Variants in EHBP1 observed in about 807,000 individuals in gnomAD.
The protein encoded by EHBP1 is EH domain-binding protein 1.
EHBP1 carries 55 observed loss-of-function variants against 144.0 expected under a neutral mutation model. The ratio of observed to expected loss-of-function variants is 0.38; its 90% CI spans 0.31 to 0.48. EHBP1 has a LOEUF of 0.48. Among genes scored for constraint, EHBP1 ranks in the 20% least tolerant of loss-of-function variants. The pLI, the probability that EHBP1 is intolerant of heterozygous loss-of-function variation, is 0.98. For synonymous variants in EHBP1, 469 were observed against 472.7 expected, an observed-to-expected ratio of 0.99 and a Z score of 0.10; for missense variants, 1,200 against 1,364.2, an observed-to-expected ratio of 0.88 and a Z score of 1.90.
intron 10 of EHBP1, among the ~76,000 whole-genome samples, chr2:62,926,502 C>T (rs148490848): frequency 1.3e-5 from 2 of 152,042 alleles, no homozygotes; most frequent in Non-Finnish European, 2.9e-5. Flanking sequence ...AACAATTGAA[C>T]TCAAATATGG....
At chr2:62,992,968 T>C (rs192154836) in intron 16 of EHBP1, among the ~76,000 whole-genome samples, 2 of 152,332 alleles carry the variant, frequency 1.3e-5, no homozygotes, top group Non-Finnish European at 2.9e-5. Context: ...TTCAGTCTTC[T>C]GGGATATTTC....
At chr2:62,849,869 C>T (rs533073229) in intron 7 of EHBP1, among the ~76,000 whole-genome samples, 3 of 152,144 alleles carry the variant, frequency 2.0e-5, no homozygotes, top group African/African-American at 7.2e-5. Flanking sequence ...TAGAAGTGCC[C>T]ACTAGGTAGT....
chr2:63,000,512 A>G (rs1162836618), intron 19 of EHBP1, among the ~76,000 whole-genome samples: 1 of 152,048 alleles, frequency 6.6e-6, no homozygotes, highest in Non-Finnish European at 1.5e-5. Flanking sequence ...CCTGGCTAAC[A>G]TGGTGAAACC....
At chr2:62,882,732 A>G (rs2051563186) in intron 10 of EHBP1, among the ~76,000 whole-genome samples, 2 of 152,148 alleles carry the variant, frequency 1.3e-5, no homozygotes, top group African/African-American at 4.8e-5. Context: ...AAAATACAAA[A>G]TTAGCCAGGT....
intron 15 of EHBP1, among the ~76,000 whole-genome samples, chr2:62,979,604 A>G (rs1016221802): frequency 4.6e-5 from 7 of 152,228 alleles, no homozygotes; most frequent in African/African-American, 9.6e-5. Flanking sequence ...TTGGTTTGTG[A>G]TACCCCATGA....
intron 3 of EHBP1, among the ~76,000 whole-genome samples, chr2:62,760,427 A>G (rs2040675613): frequency 1.3e-5 from 2 of 152,218 alleles, no homozygotes; most frequent in Admixed American, 1.3e-4. Context: ...CTAGCAACTT[A>G]GGAACTAGCA....
chr2:62,687,491 T>C (rs932193669), intron 1 of EHBP1, among the ~76,000 whole-genome samples: 1 of 152,216 alleles, frequency 6.6e-6, no homozygotes, highest in Non-Finnish European at 1.5e-5. Context: ...TGGGTCGTAA[T>C]AGATGGGTTT....
At position 63,021,771 on chromosome 2, in the gene EHBP1, C is replaced by CT. The variant is rs74506390; in HGVS notation, c.3104-15751dup. Among the ~76,000 whole-genome samples, 514 of 145,694 alleles carry CT rather than the reference C, an allele frequency of 3.5e-3. 3 individuals are homozygous for CT. The highest frequency in any genetic ancestry group is 0.011 in the African/African-American group (422 of 39,950). On this transcript the variant is annotated intron_variant, in intron 19 of 22. Transcript: ENST00000431489. ...TTCTCCCAGTTTCCCCAAATGGAAACTTTTTTTTTTTTTAAAACGGAGTCT... is the reference window on the plus strand; with the variant it reads ...TTCTCCCAGTTTCCCCAAATGGAAACTTTTTTTTTTTTTTAAAACGGAGTCT...
At chr2:62,715,972 C>T (rs1329101493) in intron 2 of EHBP1, among the ~76,000 whole-genome samples, 1 of 152,052 alleles carries the variant, frequency 6.6e-6, no homozygotes, top group Non-Finnish European at 1.5e-5. Flanking sequence ...CAAAATTTCA[C>T]ATCTTGGAGT....
intron 3 of EHBP1, among the ~76,000 whole-genome samples, chr2:62,762,132 A>G (rs1181372717): frequency 6.6e-6 from 1 of 152,098 alleles, no homozygotes; most frequent in Admixed American, 6.6e-5. Context: ...TGTTAAACCC[A>G]GTGACCGTTT....
intron 5 of EHBP1, among the ~76,000 whole-genome samples, chr2:62,798,650 T>G (rs1016197205): frequency 2.0e-5 from 3 of 152,150 alleles, no homozygotes; most frequent in African/African-American, 7.2e-5. Flanking sequence ...CATGGTAAAT[T>G]GTCATTGTAA....
chr2:62,942,010 A>G (rs2056784732), intron 10 of EHBP1, among the ~76,000 whole-genome samples: 1 of 152,146 alleles, frequency 6.6e-6, no homozygotes, highest in Admixed American at 6.5e-5. Flanking sequence ...GGGTAAAAGT[A>G]TATACTTACC....
In EHBP1 at chr2:62,699,309, A is replaced by C. The variant is rs368424028; in HGVS notation, c.-295-7588A>C. 9.8e-5 allele frequency among the ~76,000 whole-genome samples: 15 copies of C among 152,314 alleles called. No individual in the cohort carries two copies. In the East Asian group the frequency reaches 2.7e-3, roughly 27 times the overall value. The stretch of plus-strand genomic sequence containing the variant: ...CCCTTATAATTTGCCAAAGGCTCTT[A>C]ACATTTCATGGGAAATGACCAGTAA... On this transcript the variant is annotated intron_variant, in intron 1 of 22. Transcript: ENST00000405015.
At chr2:62,917,419 T>C (rs1047338740) in intron 10 of EHBP1, among the ~76,000 whole-genome samples, 2 of 152,186 alleles carry the variant, frequency 1.3e-5, no homozygotes, top group Non-Finnish European at 2.9e-5. Flanking sequence ...TACGTGACTA[T>C]GTATATTAAT....
chr2:62,673,956 G>T, exon 1 of EHBP1: 1 of 460,504 alleles, frequency 2.2e-6, no homozygotes, highest in South Asian at 1.6e-5. Flanking sequence ...GGCAGAACTG[G>T]GTTGCTTGCT....
chr2:62,849,401 A>G (rs1475331979), intron 7 of EHBP1, among the ~76,000 whole-genome samples: 2 of 152,148 alleles, frequency 1.3e-5, no homozygotes, highest in Non-Finnish European at 2.9e-5. Flanking sequence ...AGCCCTGTCA[A>G]GCTTTCAGAT....
intron 10 of EHBP1, among the ~76,000 whole-genome samples, chr2:62,934,246 A>G (rs535010036): frequency 2.0e-5 from 3 of 152,288 alleles, no homozygotes; most frequent in Middle Eastern, 3.4e-3. Flanking sequence ...TTTAATCTCA[A>G]TTAAGAGACT....
chr2:62,747,407 A>G lies in EHBP1; in HGVS notation c.117A>G (p.Lys39=), dbSNP rs1472875677. 2.5e-6 allele frequency: 4 copies of G among 1,609,594 alleles called. No homozygotes were observed. The highest frequency in any genetic ancestry group is 3.4e-6 in the Non-Finnish European group (4 of 1,177,934). Residue 39 remains lysine (K), a synonymous_variant, in exon 3 of 23, where the codon AAA becomes AAG. Transcript: ENST00000431489. ...VECTKKWQPD[K]LVVVWTRRSR... ...TTTTGTTTGGCAGGCAACCAGATAAACTGGTGGTAGTTTGGACCAGAAGAA... is the reference window on the plus strand; with the variant it reads ...TTTTGTTTGGCAGGCAACCAGATAAGCTGGTGGTAGTTTGGACCAGAAGAA...
intron 10 of EHBP1, among the ~76,000 whole-genome samples, chr2:62,922,903 C>T (rs1342218084): frequency 6.6e-6 from 1 of 152,188 alleles, no homozygotes; most frequent in African/African-American, 2.4e-5. Context: ...CCACTGCAAA[C>T]ACCTTACAAC....
Sources: allele counts gnomAD v4.1 joint callset (sites outside exome capture counted in the v4.1 genomes callset), GRCh38; gene constraint gnomAD v4.1.1; transcripts MANE v1.5; gene names NCBI Gene and HGNC (gene_info 2026-07-23, HGNC 2026-07-21).